MDFIC2: variants seen among roughly 807,000 people sequenced by gnomAD.
The protein encoded by MDFIC2 is MyoD family inhibitor domain containing 2.
intron 2 of MDFIC2, among the ~76,000 whole-genome samples, chr3:70,262,679 T>A (rs1701877900): frequency 6.6e-6 from 1 of 152,204 alleles, no homozygotes; most frequent in Non-Finnish European, 1.5e-5. Flanking sequence ...ATAACAGGGT[T>A]GGCGCATGCA....
chr3:70,226,723 G>C (rs907892631), intron 2 of MDFIC2, among the ~76,000 whole-genome samples: 2 of 137,712 alleles, frequency 1.5e-5, no homozygotes, highest in African/African-American at 2.8e-5. Flanking sequence ...GGGCAACAGA[G>C]AGAGACTCTG....
At chr3:70,232,109 C>T (rs1440974833) in intron 2 of MDFIC2, among the ~76,000 whole-genome samples, 1 of 152,170 alleles carries the variant, frequency 6.6e-6, no homozygotes, top group Middle Eastern at 3.2e-3. Context: ...GAGGCTGACA[C>T]GGTGACACTG....
At chr3:70,304,350 T>C (rs1389657079) in intron 2 of MDFIC2, among the ~76,000 whole-genome samples, 1 of 152,216 alleles carries the variant, frequency 6.6e-6, no homozygotes. Context: ...TCAAGACTTC[T>C]CTTGTCCACA....
intron 2 of MDFIC2, among the ~76,000 whole-genome samples, chr3:70,245,049 A>G (rs1205393084): frequency 2.0e-5 from 3 of 152,130 alleles, no homozygotes; most frequent in Non-Finnish European, 4.4e-5. Context: ...TGGAATTGCA[A>G]TCAGGGATTT....
intron 2 of MDFIC2, among the ~76,000 whole-genome samples, chr3:70,292,874 A>G (rs898939905): frequency 1.3e-5 from 2 of 152,020 alleles, no homozygotes; most frequent in Non-Finnish European, 2.9e-5. Flanking sequence ...TAGAAATACT[A>G]TATAATGAAC....
intron 2 of MDFIC2, among the ~76,000 whole-genome samples, chr3:70,285,156 A>G (rs993905194): frequency 2.7e-5 from 4 of 150,264 alleles, no homozygotes; most frequent in African/African-American, 9.8e-5. Context: ...CACTGCACCC[A>G]CTAACTTGTC....
chr3:70,263,576 C>A (rs1701887898), intron 2 of MDFIC2, among the ~76,000 whole-genome samples: 1 of 152,128 alleles, frequency 6.6e-6, no homozygotes, highest in African/African-American at 2.4e-5. Context: ...TGTTCTTTCC[C>A]AGAAAGTTTG....
intron 3 of MDFIC2, chr3:70,204,638 G>A (rs1701273334): frequency 6.6e-6 from 1 of 151,724 alleles, no homozygotes; most frequent in Admixed American, 6.6e-5. Context: ...TGAATGAAGA[G>A]TAGTCAGCTA....
In MDFIC2 at chr3:70,236,684, C is replaced by T. The variant is rs535258149; in HGVS notation, c.89-29894G>A. On this transcript the variant is annotated intron_variant, in intron 2 of 3. Coordinates refer to ENST00000567252, the MANE Select transcript of MDFIC2 (RefSeq NM_001364677.1). ...AATCATGGCTCGCTGCAGTCTCAAC[C>T]TCCCAGGTCCAAGCAATCCTCCTGC... Among the ~76,000 whole-genome samples the T allele has an allele frequency of 1.2e-3, 188 of 152,246 alleles. 1 individual carries two copies. Among genetic ancestry groups the T allele is most frequent in the Non-Finnish European group, 2.1e-3 (143 of 68,008 alleles).
intron 2 of MDFIC2, among the ~76,000 whole-genome samples, chr3:70,229,620 A>G (rs1357773841): frequency 3.3e-5 from 5 of 152,184 alleles, no homozygotes; most frequent in Non-Finnish European, 7.3e-5. Context: ...ATGATTCTTC[A>G]CGTTTTATTC....
chr3:70,233,061 C>T (rs954086156), intron 2 of MDFIC2, among the ~76,000 whole-genome samples: 1 of 152,102 alleles, frequency 6.6e-6, no homozygotes, highest in East Asian at 1.9e-4. Context: ...TGGTGGCATG[C>T]GCCTGTGGTC....
intron 2 of MDFIC2, among the ~76,000 whole-genome samples, chr3:70,216,475 G>A (rs1235899940): frequency 6.6e-6 from 1 of 151,950 alleles, no homozygotes; most frequent in Non-Finnish European, 1.5e-5. Flanking sequence ...AGAAAACGCG[G>A]GGATATCAAA....
chr3:70,215,347 G>A (rs778025868), intron 2 of MDFIC2, among the ~76,000 whole-genome samples: 2 of 152,062 alleles, frequency 1.3e-5, no homozygotes, highest in Non-Finnish European at 2.9e-5. Flanking sequence ...CTTCAGAAAC[G>A]AAGCACTCTG....
intron 3 of MDFIC2, among the ~76,000 whole-genome samples, 177 bp from the exon 4 acceptor site, chr3:70,197,362 C>T (rs963134404): frequency 2.6e-5 from 4 of 152,184 alleles, no homozygotes; most frequent in African/African-American, 9.7e-5. Context: ...AGTACTCACT[C>T]TACTTAAGTA....
At chr3:70,249,914 C>CA (rs1701744667) in intron 2 of MDFIC2, among the ~76,000 whole-genome samples, 2 of 151,978 alleles carry the variant, frequency 1.3e-5, no homozygotes, top group South Asian at 4.2e-4. Flanking sequence ...AATTTTCTGG[C>CA]AAAAAAGGAA....
rs190756664 is a variant in MDFIC2, at chr3:70,196,458, C to T, written c.*468G>A. Reference sequence around the variant, plus strand: ...TTTTTAATTACAAAATGATGTTATACAATACATTATTAATAATAACCAACA... The same window carrying T: ...TTTTTAATTACAAAATGATGTTATATAATACATTATTAATAATAACCAACA... On this transcript the variant is annotated 3_prime_UTR_variant, in exon 4 of 4. Transcript: ENST00000567252. Among the ~76,000 whole-genome samples the T allele has an allele frequency of 1.8e-3, 274 of 151,998 alleles. No individual in the cohort carries two copies. Among genetic ancestry groups the T allele is most frequent in the Non-Finnish European group, 3.1e-3 (210 of 67,930 alleles).
intron 2 of MDFIC2, among the ~76,000 whole-genome samples, chr3:70,239,859 A>G (rs1701649205): frequency 6.6e-6 from 1 of 152,140 alleles, no homozygotes; most frequent in South Asian, 2.1e-4. Context: ...TCATCAGTGA[A>G]TATTTGTTGA....
At chr3:70,240,854 A>T (rs1339110928) in intron 2 of MDFIC2, among the ~76,000 whole-genome samples, 3 of 152,172 alleles carry the variant, frequency 2.0e-5, no homozygotes, top group African/African-American at 7.2e-5. Context: ...ATTCAGTAAT[A>T]TAGGCCCATA....
intron 2 of MDFIC2, among the ~76,000 whole-genome samples, chr3:70,265,730 G>T (rs1174967070): frequency 6.6e-6 from 1 of 152,198 alleles, no homozygotes; most frequent in African/African-American, 2.4e-5. Flanking sequence ...AAGAAAAAAG[G>T]TTTAATTGAC....
Sources: gnomAD v4.1 joint callset for allele counts (sites outside exome capture counted in the v4.1 genomes callset) on GRCh38, gnomAD v4.1.1 for gene constraint, MANE v1.5 for transcripts, NCBI Gene and HGNC (gene_info 2026-07-23, HGNC 2026-07-21) for gene names.